Variants in PSEN1 observed in about 807,000 individuals in gnomAD.
The protein encoded by PSEN1 is presenilin-1.
In PSEN1, 15 loss-of-function variants were observed where a neutral mutation model predicts 53.5. That is an observed-to-expected ratio of 0.28 (90% CI 0.19 to 0.43). The LOEUF is 0.43. PSEN1 is among the 20% of genes least tolerant of loss of function. The pLI is 1.00. For synonymous variants in PSEN1, 208 were observed against 209.8 expected (o/e 0.99, Z 0.08); for missense variants, 387 against 571.2 (o/e 0.68, Z 3.29).
intron 3 of PSEN1, among the ~76,000 whole-genome samples, chr14:73,165,764 AAGGT>A (rs1272428984): frequency 6.7e-6 from 1 of 149,630 alleles, no homozygotes; most frequent in Non-Finnish European, 1.5e-5. Flanking sequence ...AAAAAAAAAA[AAGGT>A]AGTGTGTGGC....
At chr14:73,148,704 G>A (rs1373143046) in intron 3 of PSEN1, among the ~76,000 whole-genome samples, 3 of 152,208 alleles carry the variant, frequency 2.0e-5, no homozygotes, top group Non-Finnish European at 4.4e-5. Flanking sequence ...AGGCTGAGGC[G>A]GGCAGATCAC....
intron 1 of PSEN1, chr14:73,137,125 ATTC>A (rs1384974790): frequency 6.5e-6 from 1 of 152,708 alleles, no homozygotes; most frequent in Non-Finnish European, 1.5e-5. Flanking sequence ...TCCCTCTCAG[ATTC>A]TTCTCACCGT....
At chr14:73,193,566 CAAAAAA>C (rs796777090) in intron 7 of PSEN1, among the ~76,000 whole-genome samples, 1 of 116,658 alleles carries the variant, frequency 8.6e-6, no homozygotes, top group African/African-American at 3.2e-5. Flanking sequence ...AAAAAAAAAG[CAAAAAA>C]AAAAAAGCAC....
Position 73,142,759 on chromosome 14 carries a change from TCTC to T in PSEN1, c.-135-5033_-135-5031del, listed in dbSNP as rs1896962763. Among the ~76,000 whole-genome samples, 4 of 152,334 alleles carry T rather than the reference TCTC, an allele frequency of 2.6e-5. No homozygotes were observed. The South Asian group carries it at 8.3e-4, about 32-fold the overall frequency. On this transcript the variant is annotated intron_variant, in intron 1 of 11. Transcript: ENST00000324501. ...TCTGAGCTTCGAGATTATTTGTAGT[TCTC>T]CTGGGGCTTTTAAAATCTCTTTGTA...
intron 10 of PSEN1, among the ~76,000 whole-genome samples, chr14:73,214,245 A>G (rs572182689): frequency 1.3e-5 from 2 of 152,122 alleles, no homozygotes; most frequent in Non-Finnish European, 2.9e-5. Flanking sequence ...AAGACCAACT[A>G]TTGCTGGGCG....
intron 8 of PSEN1, among the ~76,000 whole-genome samples, chr14:73,204,617 G>A (rs1418859981): frequency 6.6e-6 from 1 of 151,546 alleles, no homozygotes; most frequent in Non-Finnish European, 1.5e-5. Flanking sequence ...AAGTTAGCTG[G>A]ACATTGATTT....
At chr14:73,194,619 A>AGTGCAGTGGC (rs978047883) in intron 7 of PSEN1, among the ~76,000 whole-genome samples, 1 of 140,152 alleles carries the variant, frequency 7.1e-6, no homozygotes, top group African/African-American at 2.7e-5. Context: ...CCCAGACTGG[A>AGTGCAGTGGC]GTGCAGTGGC....
chr14:73,188,993 G>A (rs1436393946), intron 6 of PSEN1, among the ~76,000 whole-genome samples: 1 of 152,022 alleles, frequency 6.6e-6, no homozygotes, highest in Non-Finnish European at 1.5e-5. Context: ...GTTTCACCAT[G>A]TTGGCCAGGC....
chr14:73,142,142 G>A (rs1262792789), intron 1 of PSEN1, among the ~76,000 whole-genome samples: 3 of 151,988 alleles, frequency 2.0e-5, no homozygotes, highest in Non-Finnish European at 2.9e-5. Flanking sequence ...TTTAGAGTTC[G>A]GTTACATTTA....
intron 9 of PSEN1, among the ~76,000 whole-genome samples, chr14:73,211,056 G>A (rs1208297767): frequency 6.6e-6 from 1 of 152,114 alleles, no homozygotes; most frequent in Non-Finnish European, 1.5e-5. Context: ...CAAATCCAGG[G>A]ATGAGTGCCA....
intron 7 of PSEN1, among the ~76,000 whole-genome samples, chr14:73,196,924 C>T (rs1484171149): frequency 4.1e-5 from 6 of 145,778 alleles, no homozygotes; most frequent in African/African-American, 2.5e-5. Context: ...AATTTTCTTT[C>T]TTTCTTTCTT....
rs1337281442 is a variant in PSEN1, at chr14:73,206,204, ACTT to A, written c.869-176_869-174del. ...ACTACAGTAAACATTCAGTTTCAGA[ACTT>A]CTTCTCTTACCTGCTAAAACCAAAG... is the stretch of plus-strand genomic sequence containing the variant. On this transcript the variant is annotated intron_variant, in intron 8 of 11. Coordinates refer to ENST00000324501, the MANE Select transcript of PSEN1 (RefSeq NM_000021.4). The A allele has an allele frequency of 3.2e-5, 20 of 622,746 alleles. No homozygotes were observed. In the Admixed American group the frequency reaches 3.4e-4, roughly 11 times the overall value. 38.6% of individuals were successfully genotyped at this position (622,746 alleles called of 1,614,324 possible). A position where few individuals can be genotyped will look rare whatever the true frequency, so the allele number is the denominator to read the frequency against.
At position 73,138,697 on chromosome 14, in the gene PSEN1, A is replaced by G. The variant is rs1268233525; in HGVS notation, c.-136+2114A>G. ...AAAAAAAGGCCGAGCGCGGTGGCTC[A>G]CCCCTGTAATCCCAGCACTTTGGGA... On this transcript the variant is annotated intron_variant, in intron 1 of 11. Coordinates refer to ENST00000324501, the MANE Select transcript of PSEN1 (RefSeq NM_000021.4). Among the ~76,000 whole-genome samples, 4 of 149,610 alleles carry G rather than the reference A, an allele frequency of 2.7e-5. No individual in the cohort carries two copies. The East Asian group carries it at 8.1e-4, about 30-fold the overall frequency.
intron 3 of PSEN1, among the ~76,000 whole-genome samples, chr14:73,159,178 GA>G (rs1390026460): frequency 1.4e-5 from 2 of 146,488 alleles, no homozygotes; most frequent in African/African-American, 2.5e-5. Flanking sequence ...TTGAAGGGCA[GA>G]TTTTTTTTTT....
intron 10 of PSEN1, 74 bp downstream of exon 10, chr14:73,212,016 A>C (rs1899709342): frequency 7.4e-7 from 1 of 1,359,800 alleles, no homozygotes; most frequent in African/African-American, 1.5e-5. Flanking sequence ...TTTGAGAATA[A>C]AATGAATTGA....
chr14:73,161,294 C>T (rs1897529090), intron 3 of PSEN1, among the ~76,000 whole-genome samples: 1 of 152,074 alleles, frequency 6.6e-6, no homozygotes, highest in African/African-American at 2.4e-5. Context: ...GATATTTTCT[C>T]CAGTTCTGTA....
intron 7 of PSEN1, among the ~76,000 whole-genome samples, chr14:73,195,324 C>A (rs902353428): frequency 6.6e-6 from 1 of 152,102 alleles, no homozygotes; most frequent in African/African-American, 2.4e-5. Flanking sequence ...AAGTGCGCAC[C>A]ACCACGCCCA....
intron 11 of PSEN1, among the ~76,000 whole-genome samples, chr14:73,218,485 G>A (rs1270298946): frequency 1.3e-5 from 2 of 152,098 alleles, no homozygotes; most frequent in Non-Finnish European, 2.9e-5. Context: ...TAGTGTTTCC[G>A]TAACTAGGGT....
chr14:73,159,850 T>C (rs956855633), intron 3 of PSEN1, among the ~76,000 whole-genome samples: 53 of 152,312 alleles, frequency 3.5e-4, no homozygotes, highest in African/African-American at 1.3e-3. Flanking sequence ...GATGACAAGA[T>C]CTCACTCCGT....
Sources: gnomAD v4.1 joint callset for allele counts (sites outside exome capture counted in the v4.1 genomes callset) on GRCh38, gnomAD v4.1.1 for gene constraint, MANE v1.5 for transcripts, NCBI Gene and HGNC (gene_info 2026-07-23, HGNC 2026-07-21) for gene names.